Variants in DNAH7 observed in about 807,000 individuals in gnomAD.
DNAH7 encodes axonemal beta dynein heavy chain 7.
DNAH7 carries 397 observed loss-of-function variants against 444.6 expected under a neutral mutation model. The observed-to-expected ratio is 0.89, with a 90% CI of 0.82 to 0.97. The LOEUF is 0.97. DNAH7 is among the 50% of genes least tolerant of loss of function. DNAH7 has a pLI of 0.00. For missense variants in DNAH7, 4,902 were observed against 4,800.8 expected, an observed-to-expected ratio of 1.02 and a Z score of -0.62; for synonymous variants, 1,636 against 1,624.4, an observed-to-expected ratio of 1.01 and a Z score of -0.17.
chr2:196,011,991 A>G (rs1694752358), intron 10 of DNAH7, among the ~76,000 whole-genome samples: 1 of 152,174 alleles, frequency 6.6e-6, no homozygotes, highest in Non-Finnish European at 1.5e-5. Flanking sequence ...AATATAAAAT[A>G]AAAGGCTAAA....
rs140171981 is a variant in DNAH7 at position 195,796,719 on chromosome 2, G to C, written c.10372C>G (p.Leu3458Val). 1.9e-5 allele frequency: 30 copies of C among 1,613,966 alleles called. No homozygotes were observed. Among genetic ancestry groups the C allele is most frequent in the Admixed American group, 1.0e-4 (6 of 59,998 alleles). ...ADDQGYGGSK[L>V]SSLSLGQGQG... Reference sequence around the variant, plus strand: ...CCTTGACCAAGAGATAAAGAGCTAAGTTTTGATCCCCCATATCCCTGTGTA... The same window carrying C: ...CCTTGACCAAGAGATAAAGAGCTAACTTTTGATCCCCCATATCCCTGTGTA... Residue 3458 changes from leucine (L) to valine (V), a missense_variant, in exon 56 of 65, where the codon CTT becomes GTT. Transcript: ENST00000312428.
chr2:195,852,701 G>T (rs6751919), intron 46 of DNAH7, among the ~76,000 whole-genome samples: 4,396 of 152,234 alleles, frequency 0.029, 209 homozygotes, highest in African/African-American at 0.099. Flanking sequence ...CCGCCAGGGA[G>T]AAGAAAGAGG....
At position 195,861,857 on chromosome 2, in the gene DNAH7, G is replaced by A. The variant is rs1208253103; in HGVS notation, c.7596C>T (p.Asp2532=). 3.1e-6 allele frequency: 5 copies of A among 1,613,878 alleles called. No individual in the cohort carries two copies. Among genetic ancestry groups the A allele is most frequent in the Non-Finnish European group, 4.2e-6 (5 of 1,179,796 alleles). The change falls in exon 42 of 65, where the codon GAC becomes GAT. Residue 2532 remains aspartate, a synonymous_variant. Coordinates refer to ENST00000312428, the MANE Select transcript of DNAH7 (RefSeq NM_018897.3). ...MSEEIRDGCI[D]MCKSFHTSTI... is the part of the protein sequence containing the mutation. ...TAGAAGTGTGGAAGCTTTTACACAT[G>A]TCGATACAGCCATCTCGTATTTCCT...
intron 45 of DNAH7, 100 bp from the exon 46 acceptor site, chr2:195,853,628 C>T (rs1047208075): frequency 3.0e-4 from 363 of 1,207,440 alleles, no homozygotes; most frequent in Non-Finnish European, 3.9e-4. Flanking sequence ...TTTTTAATGA[C>T]AGACTTCTGC....
chr2:196,028,897 TA>T (rs1305552180), intron 5 of DNAH7, among the ~76,000 whole-genome samples: 1 of 152,238 alleles, frequency 6.6e-6, no homozygotes, highest in Non-Finnish European at 1.5e-5. Context: ...ATAGATCTTC[TA>T]ACTTATTTAT....
intron 17 of DNAH7, 134 bp from the exon 18 acceptor site, chr2:195,961,079 T>C: frequency 1.6e-6 from 1 of 633,634 alleles, no homozygotes. Flanking sequence ...TTCAATAATC[T>C]AGAAAAACAG....
intron 50 of DNAH7, 39 bp from the exon 51 acceptor site, chr2:195,817,002 C>A (rs1279337160): frequency 7.2e-7 from 1 of 1,390,736 alleles, no homozygotes; most frequent in South Asian, 1.4e-5. Flanking sequence ...AAAAAGAAGT[C>A]ATTTAAAATC....
At chr2:196,066,236 C>A (rs1698422895) in intron 1 of DNAH7, among the ~76,000 whole-genome samples, 1 of 152,166 alleles carries the variant, frequency 6.6e-6, no homozygotes, top group African/African-American at 2.4e-5. Flanking sequence ...TCAACAATAA[C>A]CTCTCAAAAT....
chr2:195,739,664 C>A (rs191056238), intron 64 of DNAH7, among the ~76,000 whole-genome samples: 5 of 152,308 alleles, frequency 3.3e-5, no homozygotes, highest in Admixed American at 2.6e-4. Context: ...TATGTATATA[C>A]AGTGGACCTC....
chr2:195,936,985 A>C lies in DNAH7; in HGVS notation c.3079-193T>G, dbSNP rs149085347. On this transcript the variant is annotated intron_variant, in intron 19 of 64. Transcript: ENST00000312428. ...GCCTCTCTGATTCTGTAAAAGTCAC[A>C]TTGATTTAATCCTCAGCCCTGTTCA... Among the ~76,000 whole-genome samples, 15 of 152,208 alleles carry C rather than the reference A, an allele frequency of 9.9e-5. No homozygotes were observed. In the East Asian group the frequency reaches 2.5e-3, roughly 25 times the overall value.
Position 195,824,367 on chromosome 2 carries a change from C to T in DNAH7, c.9179G>A (p.Gly3060Glu), listed in dbSNP as rs1559122443. The T allele has an allele frequency of 3.1e-6, 5 of 1,613,740 alleles. No homozygotes were observed. Among genetic ancestry groups the T allele is most frequent in the Non-Finnish European group, 3.4e-6 (4 of 1,179,806 alleles). The change falls in exon 49 of 65, where the codon GGG (glycine) becomes GAG (glutamate). Residue 3060 changes from glycine (G) to glutamate (E), a missense_variant. Gly to Glu is a moderately conservative substitution (Grantham distance 98, BLOSUM62 -2). Coordinates refer to ENST00000312428, the MANE Select transcript of DNAH7 (RefSeq NM_018897.3). The stretch of plus-strand genomic sequence containing the variant: ...GTCCCCAAGCCGGATACATGTACTC[C>T]CACCCTGCTTAAAGGTTTGTTTTAG... Reference protein sequence around the residue: ...LLLKQTFKQGGSTCIRLGDST... With the variant: ...LLLKQTFKQGESTCIRLGDST...
rs10195652 is a variant in DNAH7 at position 195,858,636 on chromosome 2, T to C, written c.7905A>G (p.Val2635=). The C allele has an allele frequency of 5.3e-3, 8,615 of 1,614,074 alleles. 343 individuals carry two copies. The African/African-American group carries it at 0.094, about 18-fold the overall frequency. The part of the protein sequence containing the change: ...EMMIMIEKES[V]EVAKTEKIVK... ...CTATTTTTTCAGTTTTGGCAACTTC[T>C]ACAGACTCTTTCTCAATCATTATCA... Residue 2635 remains valine, a synonymous_variant, in exon 43 of 65, where the codon GTA becomes GTG. Transcript: ENST00000312428.
chr2:195,807,914 C>T (rs1307577225), intron 53 of DNAH7, among the ~76,000 whole-genome samples: 1 of 152,010 alleles, frequency 6.6e-6, no homozygotes, highest in East Asian at 1.9e-4. Flanking sequence ...CGTGTGAAGA[C>T]ATAATCTCAT....
chr2:196,014,053 A>C (rs1371456609), intron 9 of DNAH7, among the ~76,000 whole-genome samples: 1 of 152,190 alleles, frequency 6.6e-6, no homozygotes, highest in African/African-American at 2.4e-5. Context: ...TTGAGATTGA[A>C]AGGTTTTACA....
At chr2:195,764,080 C>A (rs558151613) in intron 61 of DNAH7, among the ~76,000 whole-genome samples, 9 of 152,084 alleles carry the variant, frequency 5.9e-5, no homozygotes, top group Admixed American at 2.0e-4. Flanking sequence ...AATGATTCAA[C>A]ATACACAAAT....
chr2:195,926,031 G>C (rs76867454), intron 22 of DNAH7, among the ~76,000 whole-genome samples: 1 of 151,888 alleles, frequency 6.6e-6, no homozygotes, highest in Non-Finnish European at 1.5e-5. Flanking sequence ...AAGTCAACTG[G>C]AGCCTTATCT....
At chr2:195,911,605 A>G (rs1687362668) in intron 24 of DNAH7, among the ~76,000 whole-genome samples, 1 of 152,150 alleles carries the variant, frequency 6.6e-6, no homozygotes, top group Non-Finnish European at 1.5e-5. Context: ...AAAAACTATA[A>G]CAGAGAAAAG....
In DNAH7 at chr2:195,824,352, C is replaced by T. The variant is rs769546547; in HGVS notation, c.9194G>A (p.Arg3065Gln). Residue 3065 changes from arginine (R) to glutamine (Q), a missense_variant, in exon 49 of 65, where the codon CGG becomes CAG. Physicochemically the swap from Arg to Gln is conservative, Grantham distance 43 (BLOSUM62 1). Coordinates refer to ENST00000312428, the MANE Select transcript of DNAH7 (RefSeq NM_018897.3). ...TFKQGGSTCI[R>Q]LGDSTIEYAP... Reference sequence around the variant, plus strand: ...ATATTCAATTGTGGAGTCCCCAAGCCGGATACATGTACTCCCACCCTGCTT... The same window carrying T: ...ATATTCAATTGTGGAGTCCCCAAGCTGGATACATGTACTCCCACCCTGCTT... The T allele has an allele frequency of 1.3e-5, 21 of 1,613,658 alleles. No individual in the cohort carries two copies. Among genetic ancestry groups the T allele is most frequent in the East Asian group, 4.5e-5 (2 of 44,866 alleles).
intron 57 of DNAH7, among the ~76,000 whole-genome samples, chr2:195,788,999 T>G (rs929535014): frequency 3.3e-5 from 5 of 152,284 alleles, no homozygotes; most frequent in Middle Eastern, 6.8e-3. Context: ...AATAAGCTCC[T>G]CTAACACCCA....
Sources: allele counts gnomAD v4.1 joint callset (sites outside exome capture counted in the v4.1 genomes callset), GRCh38; gene constraint gnomAD v4.1.1; transcripts MANE v1.5; gene names NCBI Gene and HGNC (gene_info 2026-07-23, HGNC 2026-07-21).